The following LIPK variants were observed in gnomAD, a reference collection of about 807,000 sequenced individuals.
The protein encoded by LIPK is lipase family member K.
A neutral mutation model predicts 48.6 loss-of-function variants in LIPK; 32 were observed. The ratio of observed to expected loss-of-function variants is 0.66; its 90% CI spans 0.50 to 0.88. LIPK has a LOEUF of 0.88. LIPK is among the 40% of genes least tolerant of loss of function. LIPK has a pLI of 0.00. For missense variants in LIPK, 507 were observed against 478.5 expected (o/e 1.06, Z -0.56); for synonymous variants, 164 against 157.4 (o/e 1.04, Z -0.32).
At chr10:88,723,257 C>T (rs951146390) in intron 1 of LIPK, among the ~76,000 whole-genome samples, 1 of 151,930 alleles carries the variant, frequency 6.6e-6, no homozygotes, top group African/African-American at 2.4e-5. Flanking sequence ...TTATTTGGTA[C>T]ATAATAGGTG....
At chr10:88,743,448 C>A in intron 9 of LIPK, 127 bp downstream of exon 9, 1 of 633,166 alleles carries the variant, frequency 1.6e-6, no homozygotes. Flanking sequence ...TTCTCACAGG[C>A]TGCTTATTGG....
intron 8 of LIPK, among the ~76,000 whole-genome samples, chr10:88,740,892 C>A (rs532378692): frequency 1.1e-3 from 160 of 152,114 alleles, no homozygotes; most frequent in Non-Finnish European, 2.0e-3. Flanking sequence ...CTATAGATAG[C>A]CTGAAATACT....
chr10:88,724,518 A>C lies in LIPK; in HGVS notation c.-11-15A>C. The C allele has an allele frequency of 6.8e-7, 1 of 1,462,498 alleles. No individual in the cohort carries two copies. The allele number at this position is 1,462,498 out of a possible 1,614,324, so 90.6% of individuals were successfully genotyped here. On this transcript the variant is annotated splice_polypyrimidine_tract_variant and intron_variant, in intron 1 of 9. Transcript: ENST00000404190. ...TTTATCTTTGATGACAAATATATTA[A>C]ATTTCCTTTCCTAGGCAGATCCCAA... is the stretch of plus-strand genomic sequence containing the variant.
At chr10:88,718,375 TTATATA>T (rs1328522811) in intron 1 of LIPK, among the ~76,000 whole-genome samples, 1 of 149,066 alleles carries the variant, frequency 6.7e-6, no homozygotes, top group African/African-American at 2.4e-5. Flanking sequence ...AAATTATATA[TTATATA>T]TATAAATTTT....
chr10:88,727,949 G>A, intron 3 of LIPK: 1 of 362,210 alleles, frequency 2.8e-6, no homozygotes. Context: ...ATGGAGAGCT[G>A]CATCAACAAC....
intron 1 of LIPK, among the ~76,000 whole-genome samples, chr10:88,722,302 A>T (rs1045045861): frequency 6.6e-6 from 1 of 152,202 alleles, no homozygotes; most frequent in Admixed American, 6.5e-5. Flanking sequence ...TCTCAGGAAA[A>T]AAAAGATTAA....
intron 2 of LIPK, among the ~76,000 whole-genome samples, chr10:88,725,428 T>C (rs1352454639): frequency 6.6e-6 from 1 of 152,220 alleles, no homozygotes; most frequent in Non-Finnish European, 1.5e-5. Context: ...GGCATTATTC[T>C]ACACATATTA....
chr10:88,733,011 G>C (rs1333538206), intron 6 of LIPK, among the ~76,000 whole-genome samples: 1 of 152,174 alleles, frequency 6.6e-6, no homozygotes, highest in Admixed American at 6.5e-5. Flanking sequence ...GATAATAATA[G>C]TTCTTACTCA....
At chr10:88,721,253 A>G (rs1842220629) in intron 1 of LIPK, among the ~76,000 whole-genome samples, 1 of 152,192 alleles carries the variant, frequency 6.6e-6, no homozygotes, top group Non-Finnish European at 1.5e-5. Context: ...TTCATCAGGG[A>G]GCTGTCACAG....
intron 6 of LIPK, 137 bp downstream of exon 6, chr10:88,732,688 A>G: frequency 1.1e-6 from 1 of 883,968 alleles, no homozygotes; most frequent in Non-Finnish European, 1.7e-6. Flanking sequence ...AAGTTCACTG[A>G]TGATGTATGC....
intron 6 of LIPK, among the ~76,000 whole-genome samples, chr10:88,736,877 T>C (rs1424906096): frequency 1.3e-5 from 2 of 152,236 alleles, no homozygotes; most frequent in Non-Finnish European, 2.9e-5. Context: ...TAAAGAATTC[T>C]AGAAGAAATG....
chr10:88,732,437 C>T lies in LIPK; in HGVS notation c.555C>T (p.Asn185=). The change falls in exon 6 of 10, where the codon AAC becomes AAT. Residue 185 remains asparagine (N), a synonymous_variant. Transcript: ENST00000404190. ...CAGCTTTTATAGCATTTTCTACAAA[C>T]CCAGAACTGGCTAAAAAGATTAAGA... ...TTIAFIAFST[N]PELAKKIKIF... is the part of the protein sequence containing the mutation. The T allele has an allele frequency of 6.2e-7, 1 of 1,613,316 alleles. No homozygotes were observed. The highest frequency in any genetic ancestry group is 8.5e-7 in the Non-Finnish European group (1 of 1,179,686).
chr10:88,731,079 C>T lies in LIPK; in HGVS notation c.320C>T (p.Ala107Val), dbSNP rs760551427. 2.5e-6 allele frequency: 4 copies of T among 1,606,042 alleles called. No homozygotes were observed. In the Admixed American group the frequency reaches 6.8e-5, roughly 27 times the overall value. Residue 107 changes from alanine to valine, a missense_variant, in exon 4 of 10, where the codon GCA becomes GTA. Ala to Val is a moderately conservative substitution (Grantham distance 64). Coordinates refer to ENST00000404190, the MANE Select transcript of LIPK (RefSeq NM_001080518.2). ...LPNNSLAFLL[A>V]DSGYDVWLGN... Reference sequence around the variant, plus strand: ...AACAACAGTTTGGCTTTCCTTCTGGCAGATAGTGGTTATGACGTGTGGTTG... The same window carrying T: ...AACAACAGTTTGGCTTTCCTTCTGGTAGATAGTGGTTATGACGTGTGGTTG...
At chr10:88,741,530 T>G (rs1842679869) in intron 8 of LIPK, among the ~76,000 whole-genome samples, 2 of 152,210 alleles carry the variant, frequency 1.3e-5, no homozygotes, top group Admixed American at 1.3e-4. Context: ...TGGCTGCCTG[T>G]TCCTTATACA....
chr10:88,741,422 TG>T (rs1431896423), intron 8 of LIPK, among the ~76,000 whole-genome samples: 1 of 152,072 alleles, frequency 6.6e-6, no homozygotes, highest in Non-Finnish European at 1.5e-5. Flanking sequence ...GATGAGGTCT[TG>T]TTTTGTTGCC....
chr10:88,713,310 C>T (rs997866323), intron 1 of LIPK, among the ~76,000 whole-genome samples: 5 of 152,112 alleles, frequency 3.3e-5, no homozygotes, highest in South Asian at 2.1e-4. Context: ...AAAGTCAACG[C>T]CATATAGTTA....
chr10:88,743,999 A>G (rs1842727596), intron 9 of LIPK, among the ~76,000 whole-genome samples: 1 of 152,222 alleles, frequency 6.6e-6, no homozygotes, highest in South Asian at 2.1e-4. Flanking sequence ...GTTGCAGTGA[A>G]GTATGGCCAG....
chr10:88,743,354 C>T (rs1842713596), intron 9 of LIPK, 33 bp downstream of exon 9: 1 of 1,481,162 alleles, frequency 6.8e-7, no homozygotes, highest in Non-Finnish European at 9.3e-7. Flanking sequence ...CAGTTCCATG[C>T]TGCAAATGAA....
intron 2 of LIPK, among the ~76,000 whole-genome samples, chr10:88,724,997 T>C (rs1178960739): frequency 2.6e-5 from 4 of 152,230 alleles, no homozygotes; most frequent in Non-Finnish European, 5.9e-5. Context: ...CCCAATATGC[T>C]TTTTTGGTTT....
Sources: gnomAD v4.1 joint callset for allele counts (sites outside exome capture counted in the v4.1 genomes callset) on GRCh38, gnomAD v4.1.1 for gene constraint, MANE v1.5 for transcripts, NCBI Gene and HGNC (gene_info 2026-07-23, HGNC 2026-07-21) for gene names.